Variants in UGT3A2 observed in about 807,000 individuals in gnomAD.
UGT3A2 encodes the protein UDP-glycosyltransferase 3A2.
Under a neutral mutation model 39.8 loss-of-function variants are expected in UGT3A2, and 32 were observed. The ratio of observed to expected loss-of-function variants is 0.80; its 90% CI spans 0.61 to 1.08. The LOEUF (loss-of-function observed/expected upper bound fraction) is 1.08. UGT3A2 is among the 50% of genes least tolerant of loss of function. UGT3A2 has a pLI of 0.00. For missense variants in UGT3A2, 611 were observed against 637.1 expected (o/e 0.96, Z 0.44); for synonymous variants, 241 against 230.7 (o/e 1.04, Z -0.40).
At chr5:36,041,192 G>A (rs2111701583) in intron 4 of UGT3A2, among the ~76,000 whole-genome samples, 1 of 152,190 alleles carries the variant, frequency 6.6e-6, no homozygotes, top group East Asian at 1.9e-4. Context: ...GTGGCCATGG[G>A]CGAGACTCCT....
rs115098804 is a variant in UGT3A2 at position 36,064,067 on chromosome 5, G to A, written c.196+182C>T. ...AAAAAAAAATATGGGAGTATGGAAC[G>A]TCAGGTCCCGGTAATTAGAGACTAA... On this transcript the variant is annotated intron_variant, in intron 2 of 6. Coordinates refer to ENST00000282507, the MANE Select transcript of UGT3A2 (RefSeq NM_174914.4). Among the ~76,000 whole-genome samples, 271 of 152,246 alleles carry A rather than the reference G, an allele frequency of 1.8e-3. 1 individual carries two copies. Among genetic ancestry groups the A allele is most frequent in the African/African-American group, 5.8e-3 (241 of 41,534 alleles).
intron 1 of UGT3A2, 47 bp downstream of exon 1, chr5:36,066,649 A>G (rs752702504): frequency 9.9e-6 from 16 of 1,612,096 alleles, no homozygotes; most frequent in South Asian, 3.3e-5. Context: ...TGGCAGTGCG[A>G]GTATCCGGGA....
At chr5:36,052,963 G>C (rs1466262104) in intron 2 of UGT3A2, among the ~76,000 whole-genome samples, 2 of 152,138 alleles carry the variant, frequency 1.3e-5, no homozygotes, top group Non-Finnish European at 2.9e-5. Flanking sequence ...TGGCTAGAAT[G>C]TTTTTTTCCA....
At chr5:36,036,030 T>C (rs1249885256) in intron 6 of UGT3A2, 56 bp from the exon 7 acceptor site, 6 of 1,583,160 alleles carry the variant, frequency 3.8e-6, no homozygotes, top group East Asian at 2.3e-5. Flanking sequence ...AGAGTTAGAA[T>C]GTATGATCCG....
At chr5:36,042,197 A>G (rs1367568974) in intron 4 of UGT3A2, among the ~76,000 whole-genome samples, 1 of 152,078 alleles carries the variant, frequency 6.6e-6, no homozygotes, top group Non-Finnish European at 1.5e-5. Context: ...ATATAATAAG[A>G]TATAAATAGA....
At chr5:36,044,684 A>G (rs1742113403) in intron 4 of UGT3A2, among the ~76,000 whole-genome samples, 1 of 152,234 alleles carries the variant, frequency 6.6e-6, no homozygotes, top group Non-Finnish European at 1.5e-5. Flanking sequence ...CTATATGCCA[A>G]CAGTGAATAA....
intron 4 of UGT3A2, among the ~76,000 whole-genome samples, chr5:36,041,435 A>C (rs1742003126): frequency 6.6e-6 from 1 of 152,224 alleles, no homozygotes; most frequent in African/African-American, 2.4e-5. Flanking sequence ...GATGAGGTCC[A>C]GTGCTGTGTT....
chr5:36,051,782 T>C lies in UGT3A2; in HGVS notation c.311+88A>G, dbSNP rs771196173. 8.8e-5 allele frequency: 85 copies of C among 969,402 alleles called. 2 individuals carry two copies. Among genetic ancestry groups the C allele is most frequent in the Non-Finnish European group, 1.2e-4 (76 of 640,940 alleles). 60.1% of individuals were successfully genotyped at this position (969,402 alleles called of 1,614,324 possible). ...TCCATCCATTCGTCACTTTCTCTTA[T>C]CCTCATTCCAAGTATCCATGCATCC... On this transcript the variant is annotated intron_variant, in intron 3 of 6. Transcript: ENST00000282507.
chr5:36,039,737 T>G (rs1741948223), intron 4 of UGT3A2, 29 bp from the exon 5 acceptor site: 3 of 1,600,034 alleles, frequency 1.9e-6, no homozygotes, highest in Non-Finnish European at 2.6e-6. Flanking sequence ...GGTAAAGAGG[T>G]GACAAAATTA....
intron 2 of UGT3A2, among the ~76,000 whole-genome samples, chr5:36,061,868 G>C (rs1011942107): frequency 4.0e-5 from 6 of 151,678 alleles, no homozygotes; most frequent in Admixed American, 6.5e-5. Flanking sequence ...CAGTGTAAAA[G>C]TGTTCCTATT....
chr5:36,043,725 C>T (rs529239926), intron 4 of UGT3A2, among the ~76,000 whole-genome samples: 2 of 151,806 alleles, frequency 1.3e-5, no homozygotes, highest in Admixed American at 6.6e-5. Context: ...CATCTGTGAG[C>T]AACTATATGC....
chr5:36,064,197 A>C, intron 2 of UGT3A2, 52 bp downstream of exon 2: 1 of 1,516,180 alleles, frequency 6.6e-7, no homozygotes, highest in South Asian at 1.2e-5. Context: ...TGCAAACAGC[A>C]TTTTGCTCTT....
intron 2 of UGT3A2, among the ~76,000 whole-genome samples, chr5:36,061,166 T>C (rs1449413823): frequency 6.6e-6 from 1 of 151,966 alleles, no homozygotes; most frequent in African/African-American, 2.4e-5. Flanking sequence ...AGGAAGACTC[T>C]GACTCAATTA....
rs1426480512 is a variant in UGT3A2 at position 36,064,327 on chromosome 5, C to A, written c.118G>T (p.Asp40Tyr). 2 of 1,614,118 alleles carry A rather than the reference C, an allele frequency of 1.2e-6. No homozygotes were observed. Among genetic ancestry groups the A allele is most frequent in the East Asian group, 2.2e-5 (1 of 44,884 alleles). Residue 40 changes from aspartate to tyrosine, a missense_variant, in exon 2 of 7, where the codon GAC (aspartate) becomes TAC (tyrosine). Physicochemically the swap from Asp to Tyr is radical, Grantham distance 160. Coordinates refer to ENST00000282507, the MANE Select transcript of UGT3A2 (RefSeq NM_174914.4). Reference protein sequence around the residue: ...TVGGSHYLLMDRVSQILQDHG... With the variant: ...TVGGSHYLLMYRVSQILQDHG... ...TCTTGAAGAATCTGAGAAACCCGGT[C>A]CATCAGTAGATAATGGCTTCCACCT...
intron 6 of UGT3A2, among the ~76,000 whole-genome samples, chr5:36,037,104 A>G (rs1741853984): frequency 6.6e-6 from 1 of 152,192 alleles, no homozygotes. Flanking sequence ...GAGGGGGACA[A>G]ATAATAAATG....
intron 4 of UGT3A2, among the ~76,000 whole-genome samples, chr5:36,046,378 G>C (rs1742165807): frequency 6.6e-6 from 1 of 152,166 alleles, no homozygotes. Context: ...AACATCAGAT[G>C]AATGGATAAG....
chr5:36,038,055 G>GA, intron 5 of UGT3A2, 39 bp from the exon 6 acceptor site: 1 of 1,542,984 alleles, frequency 6.5e-7, no homozygotes, highest in Non-Finnish European at 8.7e-7. Flanking sequence ...ACTTCAGGAT[G>GA]AAAATTTCAA....
chr5:36,060,788 A>G (rs929187734), intron 2 of UGT3A2, among the ~76,000 whole-genome samples: 1 of 152,208 alleles, frequency 6.6e-6, no homozygotes, highest in Non-Finnish European at 1.5e-5. Context: ...CCACTTCACG[A>G]TGATGAAAAA....
intron 2 of UGT3A2, among the ~76,000 whole-genome samples, chr5:36,061,955 C>G (rs574718055): frequency 6.6e-6 from 1 of 150,532 alleles, no homozygotes; most frequent in East Asian, 1.9e-4. Flanking sequence ...AGATTGGTAT[C>G]TCATTGTGGT....
Sources: allele counts gnomAD v4.1 joint callset (sites outside exome capture counted in the v4.1 genomes callset), GRCh38; gene constraint gnomAD v4.1.1; transcripts MANE v1.5; gene names NCBI Gene and HGNC (gene_info 2026-07-23, HGNC 2026-07-21).